HADHA: variants seen among roughly 807,000 people sequenced by gnomAD.
HADHA encodes the protein trifunctional enzyme subunit alpha, mitochondrial.
Under a neutral mutation model 91.3 loss-of-function variants are expected in HADHA, and 59 were observed. That is an observed-to-expected ratio of 0.65 (90% confidence interval 0.52 to 0.80). HADHA has a LOEUF of 0.80. HADHA is among the 30% of genes least tolerant of loss of function. The probability of loss-of-function intolerance (pLI) is 0.00; values close to 1 mark genes in which losing one functional copy is unlikely to be tolerated. For missense variants in HADHA, 800 were observed against 927.6 expected (o/e 0.86, Z 1.79); for synonymous variants, 320 against 338.9 (o/e 0.94, Z 0.61).
chr2:26,244,459 G>C, intron 1 of HADHA, 71 bp downstream of exon 1: 1 of 1,468,664 alleles, frequency 6.8e-7, no homozygotes. Context: ...AGGGAGACGC[G>C]GCTCCGGGGC....
intron 1 of HADHA, among the ~76,000 whole-genome samples, chr2:26,241,796 T>C (rs1167616936): frequency 6.6e-6 from 1 of 152,154 alleles, no homozygotes; most frequent in Non-Finnish European, 1.5e-5. Context: ...AGGATAGGAG[T>C]GGGAATTAGA....
chr2:26,207,612 C>G (rs907582357), intron 11 of HADHA, among the ~76,000 whole-genome samples: 3 of 152,118 alleles, frequency 2.0e-5, no homozygotes, highest in Non-Finnish European at 4.4e-5. Context: ...TGAAATGACC[C>G]ACTTGTGTAA....
intron 11 of HADHA, among the ~76,000 whole-genome samples, chr2:26,207,599 C>G (rs1670001322): frequency 6.6e-6 from 1 of 152,078 alleles, no homozygotes; most frequent in African/African-American, 2.4e-5. Flanking sequence ...TCTTCAGCAC[C>G]CTTGAAATGA....
Position 26,231,843 on chromosome 2 carries a change from C to A in HADHA, c.573+317G>T, listed in dbSNP as rs367679189. On this transcript the variant is annotated intron_variant, in intron 6 of 19. Transcript: ENST00000380649. ...AATTAGCTGGGTGCAGTGGTGCACG[C>A]CTGTAATTCCAGCTACTGGGGAGGC... Among the ~76,000 whole-genome samples the A allele has an allele frequency of 5.3e-5, 8 of 151,880 alleles. No individual in the cohort carries two copies. The East Asian group carries it at 9.7e-4, about 18-fold the overall frequency.
At chr2:26,217,260 C>T (rs1364064028) in intron 7 of HADHA, among the ~76,000 whole-genome samples, 1 of 151,916 alleles carries the variant, frequency 6.6e-6, no homozygotes, top group Non-Finnish European at 1.5e-5. Context: ...GAAACTTGAA[C>T]ACATGGCAGT....
chr2:26,225,983 G>C (rs1442444247), intron 7 of HADHA, among the ~76,000 whole-genome samples: 1 of 152,040 alleles, frequency 6.6e-6, no homozygotes, highest in African/African-American at 2.4e-5. Flanking sequence ...ACTAGAACTA[G>C]TAAATGAATT....
Position 26,238,931 on chromosome 2 carries a change from TACC to T in HADHA, c.180_180+2del, listed in dbSNP as rs867718265. Reference sequence around the variant, plus strand: ...GAAAAAAACTGCAAATTAAATGAGATACCTTTGAATTGGGAGAGTTAATTCGAA... The same window carrying T: ...GAAAAAAACTGCAAATTAAATGAGATTTTGAATTGGGAGAGTTAATTCGAA... On this transcript the variant is annotated splice_donor_variant and coding_sequence_variant, in exon 3 of 20. Transcript: ENST00000380649. LOFTEE classifies it high-confidence loss of function. The T allele has an allele frequency of 1.9e-6, 3 of 1,579,480 alleles. No homozygotes were observed. The highest frequency in any genetic ancestry group is 2.6e-6 in the Non-Finnish European group (3 of 1,150,036).
intron 1 of HADHA, among the ~76,000 whole-genome samples, chr2:26,240,968 A>C (rs561106451): frequency 2.9e-4 from 44 of 152,362 alleles, no homozygotes; most frequent in Admixed American, 9.8e-4. Flanking sequence ...AAATAATTCC[A>C]AACCAGAGTC....
rs886055862 is a variant in HADHA at position 26,212,613 on chromosome 2, C to T, written c.932G>A (p.Gly311Glu). 1.3e-6 allele frequency: 2 copies of T among 1,598,712 alleles called. No individual in the cohort carries two copies. The highest frequency in any genetic ancestry group is 8.6e-7 in the Non-Finnish European group (1 of 1,165,982). ...ACCGGCATCACTCCCTTGCTCAATT[C>T]CAGTCTTTACCACCTAAAAAACATA... is the stretch of plus-strand genomic sequence containing the variant. ...PLKIIDVVKTGIEQGSDAGYL... is the reference protein window; with the variant it reads ...PLKIIDVVKTEIEQGSDAGYL... Residue 311 changes from glycine (G) to glutamate (E), a missense_variant, in exon 10 of 20, where the codon GGA becomes GAA. Physicochemically the swap from Gly to Glu is moderately conservative, Grantham distance 98. Transcript: ENST00000380649.
intron 12 of HADHA, among the ~76,000 whole-genome samples, chr2:26,202,108 A>C (rs1213188322): frequency 6.6e-6 from 1 of 152,022 alleles, no homozygotes; most frequent in Non-Finnish European, 1.5e-5. Context: ...CTGTGGTTGT[A>C]ATCTTCTAAA....
intron 7 of HADHA, among the ~76,000 whole-genome samples, chr2:26,219,908 A>G (rs1670333769): frequency 1.3e-5 from 2 of 152,160 alleles, no homozygotes. Context: ...ACCTGAAGAG[A>G]GTCATGGCCC....
At chr2:26,239,272 C>A in intron 1 of HADHA, 129 bp from the exon 2 acceptor site, 1 of 733,018 alleles carries the variant, frequency 1.4e-6, no homozygotes, top group Non-Finnish European at 2.5e-6. Context: ...TATTCTAGGC[C>A]ATATGACTAC....
intron 11 of HADHA, among the ~76,000 whole-genome samples, 153 bp downstream of exon 11, chr2:26,209,627 T>C (rs148569363): frequency 9.9e-5 from 15 of 152,150 alleles, no homozygotes; most frequent in Non-Finnish European, 2.9e-5. Context: ...CCAAAAAGTT[T>C]TTAGTAGACA....
chr2:26,213,908 T>C (rs2147769215), intron 9 of HADHA, among the ~76,000 whole-genome samples: 1 of 152,344 alleles, frequency 6.6e-6, no homozygotes, highest in East Asian at 1.9e-4. Context: ...TCTTGGACTT[T>C]CCACACTGAA....
chr2:26,194,656 A>G lies in HADHA; in HGVS notation c.1621-18T>C, dbSNP rs2147753134. The G allele has an allele frequency of 1.9e-6, 3 of 1,545,282 alleles. No homozygotes were observed. The highest frequency in any genetic ancestry group is 1.4e-5 in the African/African-American group (1 of 73,638). On this transcript the variant is annotated intron_variant, in intron 15 of 19. Transcript: ENST00000380649. ...GGTCCATCCTGCCAAGGAAGAGAAC[A>G]TGAGCTCCCTGGCCCTGCTGCTGGG... is the stretch of plus-strand genomic sequence containing the variant.
chr2:26,191,779 C>T, intron 18 of HADHA, 151 bp from the exon 19 acceptor site: 1 of 776,100 alleles, frequency 1.3e-6, no homozygotes, highest in Non-Finnish European at 2.3e-6. Flanking sequence ...CCTGGGTGAA[C>T]CAAACTTTCC....
At position 26,195,070 on chromosome 2, in the gene HADHA, GCT is replaced by G. The variant is rs1064794598; in HGVS notation, c.1620+20_1620+21del. 35 of 1,601,538 alleles carry G rather than the reference GCT, an allele frequency of 2.2e-5. No homozygotes were observed. Among genetic ancestry groups the G allele is most frequent in the Non-Finnish European group, 2.7e-5 (31 of 1,168,670 alleles). On this transcript the variant is annotated intron_variant, in intron 15 of 19. Transcript: ENST00000380649. Reference sequence around the variant, plus strand: ...ATTAGAACTTTTCAAAAACTCTGCAGCTCTGTTATACAGCCCCTTACCTTAAC... The same window carrying G: ...ATTAGAACTTTTCAAAAACTCTGCAGCTGTTATACAGCCCCTTACCTTAAC...
chr2:26,200,730 A>AT (rs1476246578), intron 13 of HADHA, among the ~76,000 whole-genome samples: 1 of 114,588 alleles, frequency 8.7e-6, no homozygotes, highest in Non-Finnish European at 1.7e-5. Context: ...TTGATAACAA[A>AT]AAGTCTTTTT....
intron 1 of HADHA, 77 bp downstream of exon 1, chr2:26,244,453 A>C: frequency 7.0e-7 from 1 of 1,419,164 alleles, no homozygotes; most frequent in South Asian, 1.2e-5. Context: ...AGCGAAAGGG[A>C]GACGCGGCTC....
Sources: allele counts gnomAD v4.1 joint callset (sites outside exome capture counted in the v4.1 genomes callset), GRCh38; gene constraint gnomAD v4.1.1; transcripts MANE v1.5; gene names NCBI Gene and HGNC (gene_info 2026-07-23, HGNC 2026-07-21).